SLC41A2: variants seen among roughly 807,000 people sequenced by gnomAD.
SLC41A2 encodes the protein solute carrier family 41 member 2.
Under a neutral mutation model 58.3 loss-of-function variants are expected in SLC41A2, and 32 were observed. The observed-to-expected ratio is 0.55, with a 90% CI of 0.41 to 0.74. SLC41A2 has a LOEUF of 0.74. SLC41A2 is among the 30% of genes least tolerant of loss of function. The pLI is 0.00. For missense variants in SLC41A2, 514 were observed against 680.6 expected (o/e 0.76, Z 2.72); for synonymous variants, 190 against 235.0 (o/e 0.81, Z 1.75).
chr12:104,855,792 T>G (rs915785952), intron 8 of SLC41A2, among the ~76,000 whole-genome samples: 1 of 152,118 alleles, frequency 6.6e-6, no homozygotes, highest in Non-Finnish European at 1.5e-5. Context: ...GGAGAGGAAG[T>G]ATGCGATTGG....
At chr12:104,833,938 C>G (rs983390878) in intron 10 of SLC41A2, 1 of 839,272 alleles carries the variant, frequency 1.2e-6, no homozygotes, top group Admixed American at 6.2e-5. Context: ...GAAAATTCCT[C>G]TAAATCATAT....
intron 10 of SLC41A2, among the ~76,000 whole-genome samples, chr12:104,813,842 G>A (rs1295794577): frequency 6.6e-6 from 1 of 152,010 alleles, no homozygotes; most frequent in Non-Finnish European, 1.5e-5. Context: ...CACCATGTTG[G>A]CCAGGCTGGT....
chr12:104,839,871 G>A (rs1335008344), intron 10 of SLC41A2, among the ~76,000 whole-genome samples: 1 of 152,090 alleles, frequency 6.6e-6, no homozygotes, highest in East Asian at 1.9e-4. Flanking sequence ...CAGATGACAT[G>A]TTTATGTTTT....
intron 10 of SLC41A2, among the ~76,000 whole-genome samples, chr12:104,820,194 G>A (rs1383155814): frequency 6.6e-6 from 1 of 152,228 alleles, no homozygotes; most frequent in Non-Finnish European, 1.5e-5. Context: ...GGCCAGGCAT[G>A]GTGGGTCATC....
chr12:104,905,740 G>A (rs1037772180), intron 3 of SLC41A2, among the ~76,000 whole-genome samples: 18 of 152,372 alleles, frequency 1.2e-4, no homozygotes, highest in African/African-American at 4.1e-4. Context: ...TACACCCTCC[G>A]CAGCCACTGG....
intron 5 of SLC41A2, among the ~76,000 whole-genome samples, 164 bp downstream of exon 5, chr12:104,888,869 G>A (rs1224145204): frequency 6.6e-6 from 1 of 152,090 alleles, no homozygotes; most frequent in Non-Finnish European, 1.5e-5. Context: ...TATAAATAAT[G>A]AAATGTAAAT....
intron 3 of SLC41A2, among the ~76,000 whole-genome samples, chr12:104,895,610 C>T (rs1426196113): frequency 6.6e-6 from 1 of 152,136 alleles, no homozygotes; most frequent in Non-Finnish European, 1.5e-5. Flanking sequence ...CACTTACTCA[C>T]TGATGTTATC....
rs1555202622 is a variant in SLC41A2, at chr12:104,854,573, A to AAC, written c.1255+6717_1255+6718insGT. On this transcript the variant is annotated intron_variant, in intron 8 of 10. Coordinates refer to ENST00000258538, the MANE Select transcript of SLC41A2 (RefSeq NM_001352171.3). ...GCCAGACTCCGTCTCAAAAAAACAAAAAAAAAAAAACACCGCCTTAGATCA... is the reference window on the plus strand; with the variant it reads ...GCCAGACTCCGTCTCAAAAAAACAAAACAAAAAAAAAACACCGCCTTAGATCA... Among the ~76,000 whole-genome samples, 380 of 148,478 alleles carry AAC rather than the reference A, an allele frequency of 2.6e-3. 1 individual carries two copies. Among genetic ancestry groups the AAC allele is most frequent in the Middle Eastern group, 3.4e-3 (1 of 290 alleles).
rs1352344771 is a variant in SLC41A2 at position 104,802,721 on chromosome 12, A to G, written c.*2431T>C. On this transcript the variant is annotated 3_prime_UTR_variant, in exon 11 of 11. Transcript: ENST00000258538. ...AAATATGAATAATTTAGAGCTGGCA[A>G]TACTCACCATCAGGATATAATAAAC... 1 of 152,210 alleles carries G rather than the reference A, an allele frequency of 6.6e-6. No individual in the cohort carries two copies. Among genetic ancestry groups the G allele is most frequent in the African/African-American group, 2.4e-5 (1 of 41,460 alleles). The allele number at this position is 152,210 out of a possible 1,614,324, so 9.4% of individuals were successfully genotyped here. A position where few individuals can be genotyped will look rare whatever the true frequency, so the allele number is the denominator to read the frequency against.
At chr12:104,894,248 G>T (rs181588511) in intron 4 of SLC41A2, among the ~76,000 whole-genome samples, 1 of 152,054 alleles carries the variant, frequency 6.6e-6, no homozygotes, top group African/African-American at 2.4e-5. Flanking sequence ...CAGCTACTCG[G>T]GCACTCAGGT....
At chr12:104,886,773 T>A (rs1164093411) in intron 5 of SLC41A2, among the ~76,000 whole-genome samples, 1 of 151,964 alleles carries the variant, frequency 6.6e-6, no homozygotes, top group Non-Finnish European at 1.5e-5. Flanking sequence ...AAGGTTTTAA[T>A]TTTAACCCTC....
At chr12:104,885,609 CAATG>C (rs1305299623) in intron 6 of SLC41A2, among the ~76,000 whole-genome samples, 4 of 152,054 alleles carry the variant, frequency 2.6e-5, no homozygotes, top group African/African-American at 9.7e-5. Context: ...AATAAAACCA[CAATG>C]AACTTTTAGC....
intron 10 of SLC41A2, among the ~76,000 whole-genome samples, chr12:104,840,984 A>G (rs1450711095): frequency 1.3e-5 from 2 of 152,208 alleles, no homozygotes; most frequent in East Asian, 3.8e-4. Flanking sequence ...TTATACTAAC[A>G]TCTAAAATCT....
At chr12:104,918,778 T>A (rs2046454034) in intron 2 of SLC41A2, among the ~76,000 whole-genome samples, 1 of 152,158 alleles carries the variant, frequency 6.6e-6, no homozygotes, top group Non-Finnish European at 1.5e-5. Context: ...TTACTTTTTT[T>A]AAATTAAACT....
intron 8 of SLC41A2, among the ~76,000 whole-genome samples, chr12:104,847,361 T>A (rs937178733): frequency 1.5e-4 from 23 of 151,872 alleles, no homozygotes; most frequent in African/African-American, 4.8e-4. Flanking sequence ...CCCAGCACTT[T>A]GGGGGGCCGA....
At chr12:104,815,190 T>C (rs2041339807) in intron 10 of SLC41A2, among the ~76,000 whole-genome samples, 1 of 152,250 alleles carries the variant, frequency 6.6e-6, no homozygotes, top group Non-Finnish European at 1.5e-5. Context: ...TAATAAATTA[T>C]TAAAATGACA....
At chr12:104,889,709 C>T (rs1279618535) in intron 4 of SLC41A2, among the ~76,000 whole-genome samples, 3 of 152,164 alleles carry the variant, frequency 2.0e-5, no homozygotes, top group African/African-American at 7.2e-5. Context: ...AGATTATTCC[C>T]TGCCCTCACA....
intron 7 of SLC41A2, 53 bp downstream of exon 7, chr12:104,866,379 C>G (rs552086001): frequency 7.1e-7 from 1 of 1,410,360 alleles, no homozygotes; most frequent in African/African-American, 2.0e-5. Context: ...GACAGACAGA[C>G]GTACACACAC....
At chr12:104,945,768 A>G (rs917738768) in intron 1 of SLC41A2, among the ~76,000 whole-genome samples, 4 of 152,190 alleles carry the variant, frequency 2.6e-5, no homozygotes, top group African/African-American at 9.6e-5. Context: ...CTATTAATAC[A>G]TCCTAAATAC....
Sources: gnomAD v4.1 joint callset for allele counts (sites outside exome capture counted in the v4.1 genomes callset) on GRCh38, gnomAD v4.1.1 for gene constraint, MANE v1.5 for transcripts, NCBI Gene and HGNC (gene_info 2026-07-23, HGNC 2026-07-21) for gene names.